The following METTL16 variants were observed in gnomAD, a reference collection of about 807,000 sequenced individuals.
METTL16 encodes RNA N(6)-adenosine-methyltransferase METTL16.
A neutral mutation model predicts 57.9 loss-of-function variants in METTL16; 19 were observed. That is an observed-to-expected ratio of 0.33 (90% CI 0.23 to 0.48). The LOEUF is 0.48. Among genes scored for constraint, METTL16 ranks in the 20% least tolerant of loss-of-function variants. The pLI is 0.99. For synonymous variants in METTL16, 246 were observed against 255.6 expected (o/e 0.96, Z 0.36); for missense variants, 434 against 691.5 (o/e 0.63, Z 4.18).
chr17:2,439,569 T>C (rs1219996773), intron 7 of METTL16, among the ~76,000 whole-genome samples: 1 of 152,080 alleles, frequency 6.6e-6, no homozygotes, highest in Non-Finnish European at 1.5e-5. Flanking sequence ...CTTAAACCTA[T>C]GTAGCTTGAG....
At chr17:2,468,188 C>T (rs922279381) in intron 4 of METTL16, among the ~76,000 whole-genome samples, 2 of 152,196 alleles carry the variant, frequency 1.3e-5, no homozygotes, top group African/African-American at 4.8e-5. Flanking sequence ...TGAGCACACA[C>T]TACGATGAAT....
chr17:2,499,141 G>A (rs924014128), intron 2 of METTL16, among the ~76,000 whole-genome samples: 8 of 151,416 alleles, frequency 5.3e-5, no homozygotes, highest in Non-Finnish European at 1.0e-4. Flanking sequence ...AAAGGTTAAC[G>A]GCTTATGTAT....
chr17:2,468,529 A>G (rs2067216761), intron 4 of METTL16, among the ~76,000 whole-genome samples: 1 of 152,152 alleles, frequency 6.6e-6, no homozygotes, highest in African/African-American at 2.4e-5. Flanking sequence ...AGAACCACTC[A>G]ACTAAGCCAT....
chr17:2,478,680 T>C (rs996696541), intron 2 of METTL16, among the ~76,000 whole-genome samples: 4 of 152,208 alleles, frequency 2.6e-5, no homozygotes, highest in African/African-American at 7.2e-5. Context: ...CAACCATTGA[T>C]GTACTTTCTG....
chr17:2,461,877 C>T (rs1179777597), intron 6 of METTL16, among the ~76,000 whole-genome samples: 4 of 152,098 alleles, frequency 2.6e-5, no homozygotes, highest in Admixed American at 6.6e-5. Flanking sequence ...CCGTGCCCAG[C>T]CTTCTCATGT....
intron 2 of METTL16, among the ~76,000 whole-genome samples, chr17:2,499,561 G>A (rs1452715611): frequency 6.6e-6 from 1 of 152,084 alleles, no homozygotes; most frequent in African/African-American, 2.4e-5. Context: ...GTTATAAACA[G>A]AGAAATCCCA....
At chr17:2,432,260 T>C (rs1050703488) in intron 8 of METTL16, among the ~76,000 whole-genome samples, 1 of 152,092 alleles carries the variant, frequency 6.6e-6, no homozygotes, top group East Asian at 1.9e-4. Flanking sequence ...TAAATGTGAC[T>C]CAATGTTAAA....
In METTL16 at chr17:2,420,318, C is replaced by T. The variant is rs745554008; in HGVS notation, c.1341G>A (p.Pro447=). The change falls in exon 10 of 10, where the codon CCG becomes CCA. Residue 447 remains proline, a synonymous_variant. Transcript: ENST00000263092. The surrounding 1 kb of genome is among the most constrained non-coding windows in gnomAD (Gnocchi z 5.4). ...REGEAAAVEG[P]CPSQESLSQE... is the part of the protein sequence containing the mutation. ...GGGACAGGGACTCCTGGCTCGGGCA[C>T]GGGCCCTCCACAGCGGCAGCCTCGC... The T allele has an allele frequency of 1.3e-5, 21 of 1,611,976 alleles. No homozygotes were observed. Among genetic ancestry groups the T allele is most frequent in the Admixed American group, 5.0e-5 (3 of 60,006 alleles).
intron 6 of METTL16, among the ~76,000 whole-genome samples, chr17:2,447,483 C>G (rs1297308625): frequency 2.3e-5 from 3 of 131,106 alleles, no homozygotes; most frequent in African/African-American, 6.7e-5. Flanking sequence ...CCAGCCGCCC[C>G]GTCCGGGAGG....
At chr17:2,463,609 CCACCACCA>C (rs1414039306) in intron 6 of METTL16, among the ~76,000 whole-genome samples, 1 of 151,782 alleles carries the variant, frequency 6.6e-6, no homozygotes, top group East Asian at 2.0e-4. Flanking sequence ...CTACAGGCAC[CCACCACCA>C]CACCCAGCTC....
chr17:2,459,069 G>T (rs942518767), intron 6 of METTL16, among the ~76,000 whole-genome samples: 1 of 152,172 alleles, frequency 6.6e-6, no homozygotes, highest in Admixed American at 6.5e-5. Flanking sequence ...GCCTCCCAAA[G>T]TGTTGGGATT....
intron 2 of METTL16, among the ~76,000 whole-genome samples, chr17:2,495,022 TGGAAAAGATTCA>T (rs1036201548): frequency 6.6e-6 from 1 of 151,440 alleles, no homozygotes; most frequent in Non-Finnish European, 1.5e-5. Flanking sequence ...GAAAACCTTC[TGGAAAAGATTCA>T]GCATTCTAGA....
At chr17:2,430,208 G>C (rs2066862288) in intron 8 of METTL16, among the ~76,000 whole-genome samples, 1 of 151,696 alleles carries the variant, frequency 6.6e-6, no homozygotes, top group Non-Finnish European at 1.5e-5. Context: ...AAACTACTGG[G>C]GTCAAGCGAT....
At chr17:2,507,516 CCCCGCCCGGCCAGCCG>C (rs1160750375) in intron 1 of METTL16, among the ~76,000 whole-genome samples, 1 of 149,364 alleles carries the variant, frequency 6.7e-6, no homozygotes, top group Non-Finnish European at 1.5e-5. Flanking sequence ...GGGGTCAGCC[CCCCGCCCGGCCAGCCG>C]CCCCATCCGG....
Position 2,422,472 on chromosome 17 carries a change from C to T in METTL16, c.889-1568G>A, listed in dbSNP as rs536349781. Among the ~76,000 whole-genome samples the T allele has an allele frequency of 8.5e-5, 13 of 152,100 alleles. No homozygotes were observed. In the South Asian group the frequency reaches 2.1e-3, roughly 24 times the overall value. On this transcript the variant is annotated intron_variant, in intron 8 of 9. Transcript: ENST00000263092. Reference sequence around the variant, plus strand: ...CTCGGCTCACTGCAACCTCCACCTCCGGTTTCAAGCGATTCTCCTGCCTCA... The same window carrying T: ...CTCGGCTCACTGCAACCTCCACCTCTGGTTTCAAGCGATTCTCCTGCCTCA...
chr17:2,509,504 G>A (rs537487716), intron 1 of METTL16, among the ~76,000 whole-genome samples: 2 of 152,268 alleles, frequency 1.3e-5, no homozygotes, highest in African/African-American at 4.8e-5. Context: ...CTTGAGCCCA[G>A]GAGTTCCAGT....
chr17:2,467,715 C>T (rs898904105), intron 5 of METTL16, 46 bp downstream of exon 5: 22 of 1,484,898 alleles, frequency 1.5e-5, no homozygotes, highest in Admixed American at 3.4e-5. Flanking sequence ...CGTGAGCCAC[C>T]GCGCCCAGCC....
intron 6 of METTL16, among the ~76,000 whole-genome samples, chr17:2,448,779 AAT>A (rs1259211527): frequency 4.5e-5 from 5 of 111,420 alleles, no homozygotes; most frequent in African/African-American, 1.6e-4. Flanking sequence ...AAAATAAAAA[AAT>A]AAAAAAATAA....
chr17:2,434,310 G>A (rs922846860), intron 8 of METTL16, among the ~76,000 whole-genome samples: 1 of 152,180 alleles, frequency 6.6e-6, no homozygotes, highest in African/African-American at 2.4e-5. Flanking sequence ...CGCCTTGCAG[G>A]TTCAAGCGAT....
Sources: gnomAD v4.1 joint callset for allele counts (sites outside exome capture counted in the v4.1 genomes callset) on GRCh38, gnomAD v4.1.1 for gene constraint, Gnocchi (gnomAD v3.1) non-coding constraint, MANE v1.5 for transcripts, NCBI Gene and HGNC (gene_info 2026-07-23, HGNC 2026-07-21) for gene names.